Variants in ZNF184 observed in about 807,000 individuals in gnomAD.
ZNF184 encodes zinc finger protein 184 (Kruppel-like).
Under a neutral mutation model 54.4 loss-of-function variants are expected in ZNF184, and 16 were observed. The ratio of observed to expected loss-of-function variants is 0.29; its 90% CI spans 0.20 to 0.45. The LOEUF (loss-of-function observed/expected upper bound fraction) is 0.45. Ranked by LOEUF, ZNF184 falls within the 20% of genes least tolerant of loss-of-function variation. ZNF184 has a pLI of 1.00. For missense variants in ZNF184, 681 were observed against 888.2 expected, an observed-to-expected ratio of 0.77 and a Z score of 2.97; for synonymous variants, 254 against 295.3, an observed-to-expected ratio of 0.86 and a Z score of 1.43.
Position 27,450,976 on chromosome 6 carries a change from C to A in ZNF184, c.*327G>T. On this transcript the variant is annotated 3_prime_UTR_variant, in exon 6 of 6. Coordinates refer to ENST00000683788, the MANE Select transcript of ZNF184 (RefSeq NM_001318891.2). ...ATTCTAGATGCAACACAGCAAAATG[C>A]TGATGTATAGTAAACCCATTCAAGA... 4.9e-6 allele frequency: 1 copy of A among 203,124 alleles called. No homozygotes were observed. The highest frequency in any genetic ancestry group is 1.2e-4 in the East Asian group (1 of 8,464). The allele number at this position is 203,124 out of a possible 1,614,324, so 12.6% of individuals were successfully genotyped here.
chr6:27,404,033 A>G, the ZNF184 span: 1 of 152,210 alleles, frequency 6.6e-6, no homozygotes, highest in Non-Finnish European at 1.5e-5. Context: ...GGCAATAGCT[A>G]TTTTATTATA....
the ZNF184 span, among the ~76,000 whole-genome samples, chr6:27,435,446 C>G: frequency 6.6e-6 from 1 of 151,814 alleles, no homozygotes; most frequent in African/African-American, 2.4e-5. Context: ...TGGATTGTTC[C>G]TTGTTAGTGT....
chr6:27,417,698 G>C, the ZNF184 span, among the ~76,000 whole-genome samples: 15 of 152,316 alleles, frequency 9.8e-5, 1 homozygote, highest in East Asian at 2.7e-3. Flanking sequence ...GATTCTGAGA[G>C]TCTAAGCAGG....
At chr6:27,466,734 C>A (rs1763149299) in intron 3 of ZNF184, among the ~76,000 whole-genome samples, 1 of 151,992 alleles carries the variant, frequency 6.6e-6, no homozygotes, top group East Asian at 1.9e-4. Context: ...GGTACCATTT[C>A]TTTGTTAAGA....
At chr6:27,446,394 C>T (rs916530843), downstream of ZNF184, among the ~76,000 whole-genome samples, 1 of 152,194 alleles carries the variant, frequency 6.6e-6, no homozygotes, top group Non-Finnish European at 1.5e-5. Flanking sequence ...TGGCTTGATC[C>T]AGAAAATGCA....
chr6:27,412,754 G>T, the ZNF184 span, among the ~76,000 whole-genome samples: 1 of 152,170 alleles, frequency 6.6e-6, no homozygotes, highest in Non-Finnish European at 1.5e-5. Context: ...GTTGGGAAAG[G>T]CAGGGGCTTC....
Position 27,453,101 on chromosome 6 carries a change from T to C in ZNF184, c.458A>G (p.Gln153Arg), listed in dbSNP as rs1379686089. ...TGGCAGTGTCTGTTGGTTTGCCTGC[T>C]GTCTCTCTAAACTGCCTTCATATTC... ...SWEYEGSLER[Q>R]QANQQTLPKE... The change falls in exon 6 of 6, where the codon CAG (glutamine) becomes CGG (arginine). Residue 153 changes from glutamine (Q) to arginine (R), a missense_variant. Gln to Arg is a conservative substitution (Grantham distance 43). Transcript: ENST00000683788. The surrounding 1 kb of genome is among the most constrained non-coding windows in gnomAD (Gnocchi z 4.7). The C allele has an allele frequency of 6.2e-7, 1 of 1,614,146 alleles. No individual in the cohort carries two copies. Among genetic ancestry groups the C allele is most frequent in the South Asian group, 1.1e-5 (1 of 91,084 alleles).
the ZNF184 span, among the ~76,000 whole-genome samples, chr6:27,413,197 G>T: frequency 2.0e-5 from 3 of 152,314 alleles, no homozygotes; most frequent in East Asian, 5.8e-4. Context: ...GGTGGAGGTT[G>T]TCGTGAGCCA....
At chr6:27,442,868 AAGAAAG>A in the ZNF184 span, among the ~76,000 whole-genome samples, 3 of 75,108 alleles carry the variant, frequency 4.0e-5, no homozygotes, top group Non-Finnish European at 9.3e-5. Context: ...GAAAGAAAGA[AAGAAAG>A]AAAGAAAAAG....
At chr6:27,431,934 A>G in the ZNF184 span, among the ~76,000 whole-genome samples, 3 of 152,184 alleles carry the variant, frequency 2.0e-5, no homozygotes, top group Non-Finnish European at 4.4e-5. Flanking sequence ...TATTCACACA[A>G]TGAGACTCAC....
the ZNF184 span, among the ~76,000 whole-genome samples, chr6:27,418,669 A>T: frequency 2.0e-5 from 3 of 152,018 alleles, no homozygotes; most frequent in Non-Finnish European, 4.4e-5. Flanking sequence ...TCTTTTCTGA[A>T]TTTTAATTTA....
chr6:27,442,838 G>GAA, the ZNF184 span, among the ~76,000 whole-genome samples: 1 of 51,918 alleles, frequency 1.9e-5, no homozygotes, highest in African/African-American at 8.0e-5. Flanking sequence ...AAGAAAGAAA[G>GAA]AAAGAAAGAA....
At chr6:27,470,957 G>T (rs1763259725) in intron 2 of ZNF184, among the ~76,000 whole-genome samples, 1 of 152,056 alleles carries the variant, frequency 6.6e-6, no homozygotes, top group Admixed American at 6.5e-5. Flanking sequence ...ACAAAAAATT[G>T]AAGAAAAGTA....
the ZNF184 span, among the ~76,000 whole-genome samples, chr6:27,431,333 A>G: frequency 6.6e-6 from 1 of 152,126 alleles, no homozygotes; most frequent in Non-Finnish European, 1.5e-5. Context: ...GTCCCATCCC[A>G]CTGTGAGGTC....
intron 3 of ZNF184, 77 bp downstream of exon 3, chr6:27,467,776 A>AG: frequency 7.1e-7 from 1 of 1,399,782 alleles, no homozygotes; most frequent in Non-Finnish European, 9.8e-7. Context: ...TTGGATAAAT[A>AG]GAAAAAACAA....
the ZNF184 span, among the ~76,000 whole-genome samples, chr6:27,425,465 T>C: frequency 9.9e-5 from 15 of 152,208 alleles, no homozygotes; most frequent in Non-Finnish European, 2.1e-4. Flanking sequence ...AATAGTAAAA[T>C]GTCTGGAACT....
At chr6:27,423,365 T>C in the ZNF184 span, among the ~76,000 whole-genome samples, 1 of 152,220 alleles carries the variant, frequency 6.6e-6, no homozygotes, top group African/African-American at 2.4e-5. Context: ...AAAGTGATAA[T>C]TCAGAATGCT....
chr6:27,433,956 CT>C, the ZNF184 span, among the ~76,000 whole-genome samples: 1 of 144,672 alleles, frequency 6.9e-6, no homozygotes, highest in African/African-American at 2.6e-5. Context: ...TCCTTCTTTC[CT>C]TCCTTCCTCT....
rs770544890 is a variant in ZNF184, at chr6:27,457,433, C to G, written c.76-24G>C. 9 of 1,612,600 alleles carry G rather than the reference C, an allele frequency of 5.6e-6. No homozygotes were observed. The East Asian group carries it at 2.0e-4, about 36-fold the overall frequency. ...TCCTGAAATACCAAACATATTTCTG[C>G]TTAGCCATAAGCATTTACTTAGGAA... On this transcript the variant is annotated intron_variant, in intron 3 of 5. Transcript: ENST00000683788.
Sources: allele counts gnomAD v4.1 joint callset (sites outside exome capture counted in the v4.1 genomes callset), GRCh38; gene constraint gnomAD v4.1.1; non-coding constraint Gnocchi (gnomAD v3.1); transcripts MANE v1.5; gene names NCBI Gene and HGNC (gene_info 2026-07-23, HGNC 2026-07-21).